The following TEX11 variants were observed in gnomAD, a reference collection of about 807,000 sequenced individuals.
TEX11 encodes testis expressed 11, also known as testis-expressed protein 11.
In TEX11, 7 loss-of-function variants were observed where a neutral mutation model predicts 84.4. The ratio of observed to expected loss-of-function variants is 0.08; its 90% CI spans 0.05 to 0.16. TEX11 has a LOEUF of 0.16. TEX11 is among the 10% of genes least tolerant of loss of function. The probability of loss-of-function intolerance (pLI) is 1.00; values close to 1 mark genes in which losing one functional copy is unlikely to be tolerated. For missense variants in TEX11, 551 were observed against 660.5 expected (o/e 0.83, Z 1.82); for synonymous variants, 264 against 222.8 (o/e 1.18, Z -1.64).
In TEX11 at chrX:70,866,409, C is replaced by CAA. The variant is rs201707772; in HGVS notation, c.245-5475_245-5474dup. Among the ~76,000 whole-genome samples, 75 of 91,971 alleles carry CAA rather than the reference C, an allele frequency of 8.2e-4. 4 individuals carry two copies. In the South Asian group the frequency reaches 0.034, roughly 42 times the overall value. The allele number at this position is 91,971 out of a possible 115,157, so 79.9% of individuals were successfully genotyped here. On this transcript the variant is annotated intron_variant, in intron 4 of 29. Coordinates refer to ENST00000374333, the MANE Select transcript of TEX11 (RefSeq NM_031276.3). ...AGACAGTAATTAATAGCCTACCAAC[C>CAA]AAAAAAAAAAAAAAATCCCAGGACC...
chrX:70,757,525 T>G (rs2090876097), intron 9 of TEX11, among the ~76,000 whole-genome samples: 1 of 111,550 alleles, frequency 9.0e-6, no homozygotes, highest in Non-Finnish European at 1.9e-5. Context: ...CAAACTAAGC[T>G]TCATAAGTGA....
chrX:70,721,417 A>G lies in TEX11; in HGVS notation c.1004+1201T>C, dbSNP rs552587125. ...GAAGAAGGAAGGATAAAAGCAACCA[A>G]AACTTTAAAAAATAAAAATTAAGTT... On this transcript the variant is annotated intron_variant, in intron 13 of 29. Coordinates refer to ENST00000374333, the MANE Select transcript of TEX11 (RefSeq NM_031276.3). 3.4e-4 allele frequency among the ~76,000 whole-genome samples: 38 copies of G among 112,127 alleles called. 1 individual carries two copies. In the South Asian group the frequency reaches 0.014, roughly 40 times the overall value.
At chrX:70,557,477 A>C (rs1416772671) in intron 25 of TEX11, among the ~76,000 whole-genome samples, 1 of 110,606 alleles carries the variant, frequency 9.0e-6, no homozygotes, top group Non-Finnish European at 1.9e-5. Flanking sequence ...CTCAAAAAAA[A>C]AAAAAGAAAA....
Position 70,605,657 on chromosome X carries a change from T to A in TEX11, c.1951-140A>T, listed in dbSNP as rs2089187855. 9.3e-6 allele frequency: 4 copies of A among 428,880 alleles called. No homozygotes were observed. The Admixed American group carries it at 1.6e-4, about 17-fold the overall frequency. The allele number at this position is 428,880 out of a possible 1,213,427, so 35.3% of individuals were successfully genotyped here. A position where few individuals can be genotyped will look rare whatever the true frequency, so the allele number is the denominator to read the frequency against. On this transcript the variant is annotated intron_variant, in intron 23 of 29. Transcript: ENST00000374333. The stretch of plus-strand genomic sequence containing the variant: ...AGCACATGTCACCATAGAAATGATA[T>A]AAACTATAATACTGATTTATGCTTT...
At chrX:70,514,319 G>A in the TEX11 span, among the ~76,000 whole-genome samples, 5 of 100,874 alleles carry the variant, frequency 5.0e-5, no homozygotes, top group Non-Finnish European at 8.2e-5. Context: ...AGAAAGGGCC[G>A]GGTGCGGTGG....
chrX:70,755,958 G>A (rs1178734719), intron 9 of TEX11, among the ~76,000 whole-genome samples: 4 of 112,504 alleles, frequency 3.6e-5, no homozygotes, highest in African/African-American at 6.4e-5. Flanking sequence ...TGCTTGGCTC[G>A]GCGGGTCCCA....
downstream of TEX11, among the ~76,000 whole-genome samples, chrX:70,526,761 G>C (rs1015899391): frequency 9.0e-5 from 10 of 110,786 alleles, no homozygotes; most frequent in African/African-American, 3.3e-4. Flanking sequence ...CTAGGACCCA[G>C]ATCTTGGACA....
At position 70,740,810 on chromosome X, in the gene TEX11, A is replaced by G. The variant is rs968539649; in HGVS notation, c.748-14T>C. The G allele has an allele frequency of 2.7e-6, 3 of 1,098,316 alleles. No individual in the cohort carries two copies. Among genetic ancestry groups the G allele is most frequent in the Non-Finnish European group, 1.2e-6 (1 of 813,302 alleles). 90.5% of individuals were successfully genotyped at this position (1,098,316 alleles called of 1,213,427 possible). A position where few individuals can be genotyped will look rare whatever the true frequency, so the allele number is the denominator to read the frequency against. On this transcript the variant is annotated splice_polypyrimidine_tract_variant and intron_variant, in intron 10 of 29. Coordinates refer to ENST00000374333, the MANE Select transcript of TEX11 (RefSeq NM_031276.3). Reference sequence around the variant, plus strand: ...TAGAACTTTAGCCTGTAAGAAAAAAAAAAAGAAAAAAAGCACATATCTGAT... The same window carrying G: ...TAGAACTTTAGCCTGTAAGAAAAAAGAAAAGAAAAAAAGCACATATCTGAT...
At chrX:70,704,574 C>T (rs374730878) in intron 13 of TEX11, among the ~76,000 whole-genome samples, 5 of 111,229 alleles carry the variant, frequency 4.5e-5, no homozygotes, top group African/African-American at 1.6e-4. Flanking sequence ...TACATACATT[C>T]TATACTATTT....
intron 9 of TEX11, among the ~76,000 whole-genome samples, chrX:70,745,505 C>T (rs910007084): frequency 1.8e-5 from 2 of 110,190 alleles, no homozygotes; most frequent in African/African-American, 6.6e-5. Context: ...GATCCTGAGG[C>T]GGTTGGATCA....
Position 70,841,728 on chromosome X carries a change from C to T in TEX11, c.526-8135G>A, listed in dbSNP as rs1358825149. Reference sequence around the variant, plus strand: ...GAAAAGATCAACGAAATTGATAGACCGCTAGCAAGACTAATAAAGAAGAAA... The same window carrying T: ...GAAAAGATCAACGAAATTGATAGACTGCTAGCAAGACTAATAAAGAAGAAA... On this transcript the variant is annotated intron_variant, in intron 7 of 29. Transcript: ENST00000374333. 2.4e-3 allele frequency among the ~76,000 whole-genome samples: 270 copies of T among 111,168 alleles called. 1 individual carries two copies. The highest frequency in any genetic ancestry group is 7.8e-3 in the African/African-American group (239 of 30,638).
At chrX:70,788,742 A>G (rs2091095172) in intron 9 of TEX11, among the ~76,000 whole-genome samples, 1 of 100,886 alleles carries the variant, frequency 9.9e-6, no homozygotes. Context: ...GGGAAAAACT[A>G]CATGGCCTGG....
At chrX:70,785,970 T>C (rs1480367192) in intron 9 of TEX11, among the ~76,000 whole-genome samples, 2 of 111,995 alleles carry the variant, frequency 1.8e-5, no homozygotes, top group African/African-American at 6.5e-5. Context: ...CATTACTGGG[T>C]ATATACCCAA....
At chrX:70,687,474 TAA>T (rs142415286) in intron 13 of TEX11, among the ~76,000 whole-genome samples, 1 of 102,003 alleles carries the variant, frequency 9.8e-6, no homozygotes. Flanking sequence ...CTTTTTAATC[TAA>T]AAAAAAAAAG....
chrX:70,783,823 G>A (rs1177541162), intron 9 of TEX11, among the ~76,000 whole-genome samples: 2 of 111,469 alleles, frequency 1.8e-5, no homozygotes, highest in African/African-American at 6.5e-5. Flanking sequence ...CTGAAATTGA[G>A]GCAATAATTG....
chrX:70,602,653 G>A (rs1310813970), intron 24 of TEX11, among the ~76,000 whole-genome samples: 1 of 108,012 alleles, frequency 9.3e-6, no homozygotes, highest in African/African-American at 3.4e-5. Context: ...AGACAGGGAT[G>A]CCCTCTCTCA....
At chrX:70,801,456 G>C (rs1453359106) in intron 9 of TEX11, among the ~76,000 whole-genome samples, 1 of 111,261 alleles carries the variant, frequency 9.0e-6, no homozygotes, top group African/African-American at 3.3e-5. Context: ...GAGGCTAAGG[G>C]GTTCCACATG....
At chrX:70,549,992 A>G (rs1374289826) in intron 28 of TEX11, among the ~76,000 whole-genome samples, 1 of 112,740 alleles carries the variant, frequency 8.9e-6, no homozygotes, top group Non-Finnish European at 1.9e-5. Context: ...GCACAGTCCC[A>G]GTGGCAGTGG....
At chrX:70,714,618 T>C (rs1162309946) in intron 13 of TEX11, among the ~76,000 whole-genome samples, 1 of 111,751 alleles carries the variant, frequency 8.9e-6, no homozygotes, top group Non-Finnish European at 1.9e-5. Flanking sequence ...TTGCAACCCC[T>C]GCCTTTGTTT....
Sources: gnomAD v4.1 joint callset for allele counts (sites outside exome capture counted in the v4.1 genomes callset) on GRCh38, gnomAD v4.1.1 for gene constraint, MANE v1.5 for transcripts, NCBI Gene and HGNC (gene_info 2026-07-23, HGNC 2026-07-21) for gene names.